Variants in PTPRF observed in about 807,000 individuals in gnomAD.
PTPRF encodes protein tyrosine phosphatase receptor type F.
A neutral mutation model predicts 201.8 loss-of-function variants in PTPRF; 59 were observed. That is an observed-to-expected ratio of 0.29 (90% CI 0.24 to 0.36). PTPRF has a LOEUF of 0.36. Ranked by LOEUF, PTPRF falls within the 10% of genes least tolerant of loss-of-function variation. PTPRF has a pLI of 1.00. For missense variants in PTPRF, 2,132 were observed against 2,690.5 expected, an observed-to-expected ratio of 0.79 and a Z score of 4.59; for synonymous variants, 1,088 against 1,089.7, an observed-to-expected ratio of 1.00 and a Z score of 0.03.
intron 6 of PTPRF, among the ~76,000 whole-genome samples, chr1:43,571,044 C>T (rs1646533860): frequency 6.6e-6 from 1 of 152,186 alleles, no homozygotes; most frequent in African/African-American, 2.4e-5. Context: ...TGTCTGGCAG[C>T]AGCTCTGGGA....
At chr1:43,549,980 C>T (rs1644915914) in intron 3 of PTPRF, among the ~76,000 whole-genome samples, 1 of 152,180 alleles carries the variant, frequency 6.6e-6, no homozygotes, top group Non-Finnish European at 1.5e-5. Context: ...GCGGTTAGAT[C>T]TGTGCTCCCC....
At chr1:43,611,126 G>T (rs976421272) in intron 22 of PTPRF, among the ~76,000 whole-genome samples, 1 of 152,242 alleles carries the variant, frequency 6.6e-6, no homozygotes, top group African/African-American at 2.4e-5. Context: ...TGTCAGCTGG[G>T]ACACCCAACA....
chr1:43,601,457 C>T (rs1351437980), intron 13 of PTPRF, among the ~76,000 whole-genome samples: 3 of 152,278 alleles, frequency 2.0e-5, no homozygotes, highest in Non-Finnish European at 2.9e-5. Flanking sequence ...CATAGTCTTG[C>T]TGACTGGCTT....
In PTPRF at chr1:43,588,960, G is replaced by C. The variant is rs374499040; in HGVS notation, c.909G>C (p.Ser303=). 5 of 1,580,684 alleles carry C rather than the reference G, an allele frequency of 3.2e-6. No homozygotes were observed. In the Admixed American group the frequency reaches 5.1e-5, roughly 16 times the overall value. ...SANYTCVAIS[S]LGMIEATAQV... Reference sequence around the variant, plus strand: ...ACTACACCTGTGTGGCCATCTCCTCGCTGGGCATGATCGAGGCCACAGCCC... The same window carrying C: ...ACTACACCTGTGTGGCCATCTCCTCCCTGGGCATGATCGAGGCCACAGCCC... The change falls in exon 8 of 34, where the codon TCG becomes TCC. Residue 303 remains serine (S), a synonymous_variant. Transcript: ENST00000359947. The surrounding 1 kb of genome is among the most constrained non-coding windows in gnomAD (Gnocchi z 5.3).
Position 43,623,402 on chromosome 1 carries a change from A to T in PTPRF, c.*1399A>T, listed in dbSNP as rs1238544108. 1 of 152,506 alleles carries T rather than the reference A, an allele frequency of 6.6e-6. No individual in the cohort carries two copies. Among genetic ancestry groups the T allele is most frequent in the African/African-American group, 2.4e-5 (1 of 41,396 alleles). The allele number at this position is 152,506 out of a possible 1,614,324, so 9.4% of individuals were successfully genotyped here. On this transcript the variant is annotated 3_prime_UTR_variant, in exon 34 of 34. Transcript: ENST00000359947. ...TTCCTCTGGGCAGCGCTATCTAGAT[A>T]GGTAAGTGGGGGCGGGGAAGGGTGC...
chr1:43,566,596 C>T (rs965131024), intron 5 of PTPRF, among the ~76,000 whole-genome samples: 2 of 152,212 alleles, frequency 1.3e-5, no homozygotes, highest in African/African-American at 4.8e-5. Context: ...ATGCCCAGTG[C>T]TCAGCCAGGC....
At chr1:43,548,299 G>T (rs1644809223) in intron 3 of PTPRF, among the ~76,000 whole-genome samples, 1 of 151,962 alleles carries the variant, frequency 6.6e-6, no homozygotes, top group Non-Finnish European at 1.5e-5. Flanking sequence ...AATCCTAGGA[G>T]CTCAGAGCAG....
chr1:43,534,488 T>C (rs923640569), intron 1 of PTPRF, among the ~76,000 whole-genome samples: 12 of 152,042 alleles, frequency 7.9e-5, no homozygotes, highest in Non-Finnish European at 1.3e-4. Flanking sequence ...GAATGATTTA[T>C]TGGATGTGGG....
intron 5 of PTPRF, among the ~76,000 whole-genome samples, chr1:43,560,540 C>G (rs1162837224): frequency 6.6e-6 from 1 of 152,112 alleles, no homozygotes; most frequent in Non-Finnish European, 1.5e-5. Flanking sequence ...GAGTGGGCAG[C>G]AAGCAGCCCG....
intron 6 of PTPRF, chr1:43,575,774 C>T (rs761296423): frequency 2.8e-6 from 2 of 717,850 alleles, no homozygotes; most frequent in Non-Finnish European, 4.3e-6. Flanking sequence ...GTCGGCCTAA[C>T]TCAGGCCTCA....
rs933682497 is a variant in PTPRF at position 43,621,270 on chromosome 1, G to A, written c.5655+38G>A. ...AGGCTGCAGGGCCAGGGCCTTGGCA[G>A]CAGCGCTGCTGGGAACCCTAGGCTT... is the stretch of plus-strand genomic sequence containing the variant. On this transcript the variant is annotated intron_variant, in intron 33 of 33. Coordinates refer to ENST00000359947, the MANE Select transcript of PTPRF (RefSeq NM_002840.5). 31 of 1,607,206 alleles carry A rather than the reference G, an allele frequency of 1.9e-5. No homozygotes were observed. The South Asian group carries it at 2.1e-4, about 11-fold the overall frequency.
chr1:43,553,357 T>C lies in PTPRF; in HGVS notation c.92-135T>C. The C allele has an allele frequency of 1.0e-6, 1 of 989,820 alleles. No individual in the cohort carries two copies. Among genetic ancestry groups the C allele is most frequent in the Non-Finnish European group, 1.5e-6 (1 of 656,432 alleles). 61.3% of individuals were successfully genotyped at this position (989,820 alleles called of 1,614,324 possible). On this transcript the variant is annotated intron_variant, in intron 3 of 33. Coordinates refer to ENST00000359947, the MANE Select transcript of PTPRF (RefSeq NM_002840.5). The surrounding 1 kb of genome is among the most constrained non-coding windows in gnomAD (Gnocchi z 4.1). Reference sequence around the variant, plus strand: ...TCTCTGAACAGTGCCTGGCACATACTAAGCGCTACATAAAGGTGAGGTGTC... The same window carrying C: ...TCTCTGAACAGTGCCTGGCACATACCAAGCGCTACATAAAGGTGAGGTGTC...
intron 5 of PTPRF, among the ~76,000 whole-genome samples, chr1:43,560,200 C>G (rs897238925): frequency 1.4e-5 from 2 of 142,854 alleles, no homozygotes; most frequent in Non-Finnish European, 3.0e-5. Context: ...AGGTGGTGTG[C>G]AGCAGACTGT....
intron 3 of PTPRF, among the ~76,000 whole-genome samples, chr1:43,548,423 G>A (rs984407441): frequency 1.8e-4 from 27 of 152,198 alleles, no homozygotes; most frequent in Middle Eastern, 3.4e-3. Context: ...AGCCTGTGGA[G>A]CACACAGGGT....
intron 2 of PTPRF, among the ~76,000 whole-genome samples, chr1:43,540,952 G>C (rs370900053): frequency 2.0e-5 from 3 of 152,278 alleles, no homozygotes; most frequent in Non-Finnish European, 2.9e-5. Flanking sequence ...CCGCCTCCGC[G>C]GCCGCTGCTG....
At chr1:43,604,225 T>C in intron 16 of PTPRF, 36 bp downstream of exon 16, 3 of 1,589,962 alleles carry the variant, frequency 1.9e-6, no homozygotes, top group Non-Finnish European at 2.6e-6. Flanking sequence ...TTCCCGAGTG[T>C]GGCTGCATCT....
intron 5 of PTPRF, among the ~76,000 whole-genome samples, chr1:43,556,144 C>G (rs1225021958): frequency 2.0e-5 from 3 of 152,228 alleles, no homozygotes; most frequent in African/African-American, 7.2e-5. Context: ...TCTTTGATTA[C>G]AAGAACAGCT....
At chr1:43,536,736 G>T (rs1644037300) in intron 1 of PTPRF, among the ~76,000 whole-genome samples, 1 of 152,220 alleles carries the variant, frequency 6.6e-6, no homozygotes. Flanking sequence ...AGCAGCAGCT[G>T]CTGGAAACTC....
intron 14 of PTPRF, among the ~76,000 whole-genome samples, chr1:43,602,688 C>G (rs1275776566): frequency 1.3e-5 from 2 of 152,210 alleles, no homozygotes; most frequent in African/African-American, 4.8e-5. Context: ...CATGGTGTTT[C>G]TCCGCATGTC....
Sources: allele counts gnomAD v4.1 joint callset (sites outside exome capture counted in the v4.1 genomes callset), GRCh38; gene constraint gnomAD v4.1.1; non-coding constraint Gnocchi (gnomAD v3.1); transcripts MANE v1.5; gene names NCBI Gene and HGNC (gene_info 2026-07-23, HGNC 2026-07-21).